Variants in HECW1 observed in about 807,000 individuals in gnomAD.
HECW1 encodes the protein E3 ubiquitin-protein ligase HECW1.
Under a neutral mutation model 182.3 loss-of-function variants are expected in HECW1, and 61 were observed. The ratio of observed to expected loss-of-function variants is 0.33; its 90% CI spans 0.27 to 0.41. The LOEUF (loss-of-function observed/expected upper bound fraction) is 0.41. HECW1 is among the 10% of genes least tolerant of loss of function. The pLI is 1.00. For missense variants in HECW1, 1,739 were observed against 2,108.9 expected, an observed-to-expected ratio of 0.82 and a Z score of 3.44; for synonymous variants, 859 against 832.6, an observed-to-expected ratio of 1.03 and a Z score of -0.55.
At chr7:43,288,731 C>T (rs935046204) in intron 3 of HECW1, among the ~76,000 whole-genome samples, 3 of 152,114 alleles carry the variant, frequency 2.0e-5, no homozygotes, top group African/African-American at 7.2e-5. Flanking sequence ...CATTATTCAC[C>T]CACCCTCTCT....
intron 3 of HECW1, among the ~76,000 whole-genome samples, chr7:43,245,088 G>T (rs1333320841): frequency 6.6e-6 from 1 of 152,228 alleles, no homozygotes; most frequent in African/African-American, 2.4e-5. Context: ...GATTAAGGAA[G>T]CATTAAATTA....
intron 2 of HECW1, among the ~76,000 whole-genome samples, chr7:43,193,248 G>A (rs959240042): frequency 1.3e-5 from 2 of 152,148 alleles, no homozygotes; most frequent in African/African-American, 2.4e-5. Context: ...GGTTTTGGCC[G>A]GCTCCTTTAC....
chr7:43,517,982 C>G (rs2080243047), intron 24 of HECW1, among the ~76,000 whole-genome samples: 2 of 152,256 alleles, frequency 1.3e-5, no homozygotes, highest in East Asian at 1.9e-4. Context: ...GATGCCAGTA[C>G]TGTAACTGGG....
rs576022035 is a variant in HECW1, at chr7:43,140,839, C to T, written c.-32+26448C>T. On this transcript the variant is annotated intron_variant, in intron 2 of 29. Coordinates refer to ENST00000395891, the MANE Select transcript of HECW1 (RefSeq NM_015052.5). ...TCCGTTCCTGGTGAGGGCTTGCTTT[C>T]TGGCTTCCCGGTGGCCACCACCTCA... 1.8e-3 allele frequency among the ~76,000 whole-genome samples: 279 copies of T among 152,274 alleles called. 1 individual carries two copies. Among genetic ancestry groups the T allele is most frequent in the Middle Eastern group, 3.4e-3 (1 of 294 alleles).
chr7:43,518,971 A>T (rs1261907988), intron 24 of HECW1, among the ~76,000 whole-genome samples: 1 of 152,172 alleles, frequency 6.6e-6, no homozygotes, highest in Non-Finnish European at 1.5e-5. Flanking sequence ...TATAAACTAA[A>T]ATTTTTAAAA....
intron 2 of HECW1, among the ~76,000 whole-genome samples, chr7:43,177,230 C>T (rs1247116710): frequency 6.6e-6 from 1 of 152,156 alleles, no homozygotes; most frequent in African/African-American, 2.4e-5. Context: ...GGCTCAGCTT[C>T]TGTGGATGAT....
intron 26 of HECW1, among the ~76,000 whole-genome samples, chr7:43,546,025 C>T (rs192290193): frequency 5.3e-4 from 80 of 152,144 alleles, no homozygotes; most frequent in African/African-American, 1.9e-3. Flanking sequence ...CAATCAGAAC[C>T]GTTCTGCCAG....
chr7:43,440,111 G>A, intron 9 of HECW1: 1 of 152,438 alleles, frequency 6.6e-6, no homozygotes, highest in Non-Finnish European at 1.5e-5. Context: ...TTGGGGTGAT[G>A]GCCATGGAAG....
intron 23 of HECW1, chr7:43,508,706 T>G (rs1341184580): frequency 4.2e-6 from 2 of 479,710 alleles, no homozygotes; most frequent in African/African-American, 3.9e-5. Flanking sequence ...AGGTGTTAGA[T>G]GATCAAAAGA....
At chr7:43,430,548 A>G (rs1310478345) in intron 8 of HECW1, among the ~76,000 whole-genome samples, 1 of 152,200 alleles carries the variant, frequency 6.6e-6, no homozygotes, top group Non-Finnish European at 1.5e-5. Flanking sequence ...ATTGGCTGTT[A>G]TACATTATCG....
At chr7:43,488,486 A>AAGAAAGAAAGAG (rs1563046780) in intron 17 of HECW1, among the ~76,000 whole-genome samples, 1 of 120,444 alleles carries the variant, frequency 8.3e-6, no homozygotes, top group African/African-American at 3.3e-5. Flanking sequence ...GAAAGAAAGA[A>AAGAAAGAAAGAG]AGAGAAAGAA....
Position 43,456,430 on chromosome 7 carries a change from G to T in HECW1, c.2634G>T (p.Met878Ile), listed in dbSNP as rs780290146. 2.5e-6 allele frequency: 4 copies of T among 1,613,956 alleles called. No individual in the cohort carries two copies. In the South Asian group the frequency reaches 4.4e-5, roughly 18 times the overall value. ...GMRRSGSIQQMEQLNRRYQNI... is the reference protein window; with the variant it reads ...GMRRSGSIQQIEQLNRRYQNI... Reference sequence around the variant, plus strand: ...GGAGATCGGGGTCCATCCAGCAGATGGAGCAACTCAACAGGCGGTTGGTGA... The same window carrying T: ...GGAGATCGGGGTCCATCCAGCAGATTGAGCAACTCAACAGGCGGTTGGTGA... The change falls in exon 13 of 30, where the codon ATG (methionine) becomes ATT (isoleucine). Residue 878 changes from methionine (M) to isoleucine (I), a missense_variant. By Grantham distance (10) the Met-to-Ile change is conservative. Around this residue, in one of 5 missense-constraint regions of HECW1, gnomAD observed 971 missense variants for 1,029.1 expected, o/e 0.94. Transcript: ENST00000395891.
At chr7:43,541,834 T>C in intron 25 of HECW1, 35 bp from the exon 26 acceptor site, 1 of 1,422,812 alleles carries the variant, frequency 7.0e-7, no homozygotes, top group Non-Finnish European at 9.2e-7. Context: ...CAGCCATTTG[T>C]TTGGTAATTT....
intron 5 of HECW1, among the ~76,000 whole-genome samples, chr7:43,328,687 C>G (rs1294317633): frequency 6.6e-6 from 1 of 152,124 alleles, no homozygotes; most frequent in Non-Finnish European, 1.5e-5. Context: ...CATGACTGAG[C>G]GTTATTACAG....
chr7:43,445,835 T>C lies in HECW1; in HGVS notation c.2398+265T>C, dbSNP rs376301153. Among the ~76,000 whole-genome samples, 3 of 152,200 alleles carry C rather than the reference T, an allele frequency of 2.0e-5. No homozygotes were observed. The East Asian group carries it at 5.8e-4, about 29-fold the overall frequency. ...GAGCGTGCACTTGTATGTGTGCTTCTATGTTTGTTTTAACTAATCACCAGA... is the reference window on the plus strand; with the variant it reads ...GAGCGTGCACTTGTATGTGTGCTTCCATGTTTGTTTTAACTAATCACCAGA... On this transcript the variant is annotated intron_variant, in intron 11 of 29. Coordinates refer to ENST00000395891, the MANE Select transcript of HECW1 (RefSeq NM_015052.5).
chr7:43,156,333 T>C (rs1789882117), intron 2 of HECW1, among the ~76,000 whole-genome samples: 2 of 152,210 alleles, frequency 1.3e-5, no homozygotes, highest in South Asian at 4.1e-4. Context: ...AGTGAATGAA[T>C]TATGGGGTGT....
At chr7:43,195,887 AC>A (rs1254703495) in intron 2 of HECW1, among the ~76,000 whole-genome samples, 1 of 152,090 alleles carries the variant, frequency 6.6e-6, no homozygotes, top group Non-Finnish European at 1.5e-5. Context: ...CCATTTTTAC[AC>A]CAAATATAGG....
chr7:43,191,771 T>C (rs1345863777), intron 2 of HECW1, among the ~76,000 whole-genome samples: 1 of 152,204 alleles, frequency 6.6e-6, no homozygotes, highest in Non-Finnish European at 1.5e-5. Flanking sequence ...TAATTTGCTT[T>C]TCTTGTCTTC....
intron 6 of HECW1, among the ~76,000 whole-genome samples, chr7:43,389,794 C>A (rs2074949201): frequency 6.6e-6 from 1 of 152,058 alleles, no homozygotes; most frequent in Non-Finnish European, 1.5e-5. Context: ...GTGTGCACCA[C>A]CATGCCTGAC....
Sources: gnomAD v4.1 joint callset for allele counts (sites outside exome capture counted in the v4.1 genomes callset) on GRCh38, gnomAD v4.1.1 for gene constraint, gnomAD v4.1.1 regional missense constraint, MANE v1.5 for transcripts, NCBI Gene and HGNC (gene_info 2026-07-23, HGNC 2026-07-21) for gene names.